VAV2: variants seen among roughly 807,000 people sequenced by gnomAD.
VAV2 encodes the protein vav guanine nucleotide exchange factor 2.
A neutral mutation model predicts 132.5 loss-of-function variants in VAV2; 67 were observed. The ratio of observed to expected loss-of-function variants is 0.51; its 90% CI spans 0.42 to 0.62. The LOEUF (loss-of-function observed/expected upper bound fraction) is 0.62, where lower values mean the gene tolerates loss of function less well. VAV2 is among the 20% of genes least tolerant of loss of function. The pLI is 0.00. For missense variants in VAV2, 938 were observed against 1,153.6 expected (o/e 0.81, Z 2.71); for synonymous variants, 492 against 443.5 (o/e 1.11, Z -1.37).
At chr9:133,985,007 T>C (rs773011096) in intron 1 of VAV2, among the ~76,000 whole-genome samples, 10 of 151,940 alleles carry the variant, frequency 6.6e-5, no homozygotes, top group Non-Finnish European at 1.3e-4. Flanking sequence ...ATTCTGAAAA[T>C]ACAGATGTGG....
At chr9:133,846,338 C>T (rs539523344) in intron 3 of VAV2, among the ~76,000 whole-genome samples, 2 of 152,312 alleles carry the variant, frequency 1.3e-5, no homozygotes, top group African/African-American at 2.4e-5. Flanking sequence ...GGCTACCAGC[C>T]CCGCTCACCC....
In VAV2 at chr9:133,891,930, A is replaced by T. The variant is rs545803504; in HGVS notation, c.322-30498T>A. On this transcript the variant is annotated intron_variant, in intron 2 of 29. Coordinates refer to ENST00000371850, the MANE Select transcript of VAV2 (RefSeq NM_001134398.2). ...AGGGCGTGGAGTGAGAATGGAGGAG[A>T]GGGGTAAAAGTAGTGGATGAGTGGA... Among the ~76,000 whole-genome samples, 4 of 112,606 alleles carry T rather than the reference A, an allele frequency of 3.6e-5. No individual in the cohort carries two copies. The South Asian group carries it at 1.3e-3, about 37-fold the overall frequency. 73.9% of individuals were successfully genotyped at this position (112,606 alleles called of 152,430 possible). A position where few individuals can be genotyped will look rare whatever the true frequency, so the allele number is the denominator to read the frequency against.
chr9:133,779,805 G>A (rs1833941772), intron 21 of VAV2, 113 bp downstream of exon 21: 1 of 1,424,060 alleles, frequency 7.0e-7, no homozygotes, highest in African/African-American at 1.4e-5. Context: ...CCAGGAGCCT[G>A]GAGCGTCTGG....
In VAV2 at chr9:133,879,455, C is replaced by G. The variant is rs752773131; in HGVS notation, c.322-18023G>C. ...TGGAGGGGCTGCTGTCACCTTGAGGCCTGCAGGATGGACAAGTGTGTGTCA... is the reference window on the plus strand; with the variant it reads ...TGGAGGGGCTGCTGTCACCTTGAGGGCTGCAGGATGGACAAGTGTGTGTCA... On this transcript the variant is annotated intron_variant, in intron 2 of 29. Coordinates refer to ENST00000371850, the MANE Select transcript of VAV2 (RefSeq NM_001134398.2). The surrounding 1 kb of genome is among the most constrained non-coding windows in gnomAD (Gnocchi z 4.4). Among the ~76,000 whole-genome samples, 30 of 152,126 alleles carry G rather than the reference C, an allele frequency of 2.0e-4. No homozygotes were observed. Among genetic ancestry groups the G allele is most frequent in the Non-Finnish European group, 3.5e-4 (24 of 68,026 alleles).
chr9:133,869,594 A>G (rs1837946752), intron 2 of VAV2, among the ~76,000 whole-genome samples: 1 of 152,328 alleles, frequency 6.6e-6, no homozygotes, highest in African/African-American at 2.4e-5. Context: ...TGGGCGACAC[A>G]GTGAAACCCT....
chr9:133,771,089 A>T (rs1308264320), intron 26 of VAV2, among the ~76,000 whole-genome samples: 3 of 126,212 alleles, frequency 2.4e-5, no homozygotes, highest in African/African-American at 6.3e-5. Context: ...TTTGAGACAG[A>T]GTCTTACTCT....
chr9:133,900,289 C>T (rs1410487691), intron 2 of VAV2, among the ~76,000 whole-genome samples: 2 of 152,132 alleles, frequency 1.3e-5, no homozygotes, highest in Non-Finnish European at 2.9e-5. Flanking sequence ...CCTGAGGCCC[C>T]CTGGTAATAC....
intron 1 of VAV2, among the ~76,000 whole-genome samples, chr9:133,950,287 C>CT (rs1031908072): frequency 1.4e-4 from 21 of 152,200 alleles, no homozygotes; most frequent in African/African-American, 4.8e-4. Flanking sequence ...ATTTGGAAGT[C>CT]TGAGTGGAGC....
chr9:133,826,852 G>A lies in VAV2; in HGVS notation c.449+7420C>T, dbSNP rs559302980. ...CGGCCTGGCCCTGCTGGGGACTGGGGTGTGCAGCCTACTTCACAGACAGGC... is the reference window on the plus strand; with the variant it reads ...CGGCCTGGCCCTGCTGGGGACTGGGATGTGCAGCCTACTTCACAGACAGGC... On this transcript the variant is annotated intron_variant, in intron 4 of 29. Transcript: ENST00000371850. The surrounding 1 kb of genome is among the most constrained non-coding windows in gnomAD (Gnocchi z 4.2). Among the ~76,000 whole-genome samples the A allele has an allele frequency of 1.1e-4, 17 of 152,310 alleles. No individual in the cohort carries two copies. Among genetic ancestry groups the A allele is most frequent in the African/African-American group, 4.1e-4 (17 of 41,558 alleles).
intron 3 of VAV2, among the ~76,000 whole-genome samples, chr9:133,837,705 A>T (rs1836525811): frequency 6.6e-6 from 1 of 151,958 alleles, no homozygotes; most frequent in Admixed American, 6.6e-5. Context: ...TCTCAAAAAA[A>T]ATAAATTAAA....
intron 3 of VAV2, among the ~76,000 whole-genome samples, chr9:133,844,912 C>T (rs1836870364): frequency 6.6e-6 from 1 of 152,260 alleles, no homozygotes; most frequent in African/African-American, 2.4e-5. Context: ...CCAGACAGCT[C>T]CCGGGTTCCT....
rs777389743 is a variant in VAV2, at chr9:133,791,887, G to A, written c.1102-18C>T. The A allele has an allele frequency of 3.2e-6, 5 of 1,542,904 alleles. No homozygotes were observed. The East Asian group carries it at 1.2e-4, about 36-fold the overall frequency. On this transcript the variant is annotated intron_variant, in intron 12 of 29. Coordinates refer to ENST00000371850, the MANE Select transcript of VAV2 (RefSeq NM_001134398.2). ...GCCAAGTCCTTGAAAACAAGAGGCA[G>A]AGGTGAGCGGGCTGTGCTGGGTGGG...
chr9:133,848,149 G>A (rs1038282144), intron 3 of VAV2, among the ~76,000 whole-genome samples: 11 of 151,606 alleles, frequency 7.3e-5, no homozygotes, highest in Non-Finnish European at 1.3e-4. Flanking sequence ...GTGTAGTGGC[G>A]GGCGCCTGTA....
In VAV2 at chr9:133,861,405, G is replaced by A. The variant is rs1837589242; in HGVS notation, c.349C>T (p.Leu117=). 8 of 1,613,512 alleles carry A rather than the reference G, an allele frequency of 5.0e-6. No individual in the cohort carries two copies. Among genetic ancestry groups the A allele is most frequent in the Non-Finnish European group, 6.8e-6 (8 of 1,179,860 alleles). ...KVISAVSRLS[L]HSIAQNKGIR... is the part of the protein sequence containing the mutation. ...CCTTTGTTCTGCGCGATGCTGTGCA[G>A]GGAGAGCCTCGACACCGCGGAGATG... is the stretch of plus-strand genomic sequence containing the variant. The change falls in exon 3 of 30, where the codon CTG becomes TTG. Residue 117 remains leucine, a synonymous_variant. Coordinates refer to ENST00000371850, the MANE Select transcript of VAV2 (RefSeq NM_001134398.2).
At chr9:133,821,712 C>A (rs1447206721) in intron 4 of VAV2, among the ~76,000 whole-genome samples, 3 of 152,226 alleles carry the variant, frequency 2.0e-5, no homozygotes, top group Admixed American at 6.5e-5. Context: ...TCCTGCTCAG[C>A]TGTGTTGCTT....
intron 1 of VAV2, among the ~76,000 whole-genome samples, chr9:133,980,691 G>A (rs1842664714): frequency 6.6e-6 from 1 of 152,238 alleles, no homozygotes; most frequent in South Asian, 2.1e-4. Flanking sequence ...GTGCCAGCCA[G>A]GTCGAGCTCT....
intron 1 of VAV2, among the ~76,000 whole-genome samples, chr9:133,972,631 T>C (rs1238026828): frequency 6.6e-6 from 1 of 152,096 alleles, no homozygotes; most frequent in Non-Finnish European, 1.5e-5. Flanking sequence ...GCACAGACAG[T>C]CAGAGTCATC....
rs1044744617 is a variant in VAV2, at chr9:133,918,590, A to G, written c.321+20513T>C. On this transcript the variant is annotated intron_variant, in intron 2 of 29. Coordinates refer to ENST00000371850, the MANE Select transcript of VAV2 (RefSeq NM_001134398.2). This position sits in a 1 kb window ranked among gnomAD's most constrained non-coding sequence, Gnocchi z 4.7. The stretch of plus-strand genomic sequence containing the variant: ...ACAACTCCACGTGGCTGATACTGTT[A>G]TGTCCATTTCGTGGGTAAGAAAGCT... 1.3e-5 allele frequency among the ~76,000 whole-genome samples: 2 copies of G among 151,974 alleles called. No homozygotes were observed. The highest frequency in any genetic ancestry group is 1.5e-5 in the Non-Finnish European group (1 of 67,994).
At chr9:133,951,475 C>A (rs903546707) in intron 1 of VAV2, among the ~76,000 whole-genome samples, 2 of 152,210 alleles carry the variant, frequency 1.3e-5, no homozygotes, top group Non-Finnish European at 2.9e-5. Context: ...GAGTGGCCGT[C>A]ACCCGCCAGG....
Sources: allele counts gnomAD v4.1 joint callset (sites outside exome capture counted in the v4.1 genomes callset), GRCh38; gene constraint gnomAD v4.1.1; non-coding constraint Gnocchi (gnomAD v3.1); transcripts MANE v1.5; gene names NCBI Gene and HGNC (gene_info 2026-07-23, HGNC 2026-07-21).